The following ATXN1 variants were observed in gnomAD, a reference collection of about 807,000 sequenced individuals.
The protein encoded by ATXN1 is ataxin-1.
In ATXN1, 8 loss-of-function variants were observed where a neutral mutation model predicts 56.4. The observed-to-expected ratio is 0.14, with a 90% CI of 0.08 to 0.26. ATXN1 has a LOEUF of 0.26. Ranked by LOEUF, ATXN1 falls within the 10% of genes least tolerant of loss-of-function variation. The pLI, the probability that ATXN1 is intolerant of heterozygous loss-of-function variation, is 1.00. For missense variants in ATXN1, 987 were observed against 1,106.5 expected (o/e 0.89, Z 1.53); for synonymous variants, 514 against 494.6 (o/e 1.04, Z -0.52).
chr6:16,472,682 G>T (rs551274016), intron 6 of ATXN1, among the ~76,000 whole-genome samples: 7 of 152,174 alleles, frequency 4.6e-5, no homozygotes, highest in Non-Finnish European at 8.8e-5. Context: ...TGCTTGCCAT[G>T]GTTCTCAGCA....
chr6:16,673,897 G>T lies in ATXN1; in HGVS notation c.-614-15996C>A, dbSNP rs1038587881. Among the ~76,000 whole-genome samples the T allele has an allele frequency of 4.6e-5, 7 of 152,100 alleles. No individual in the cohort carries two copies. The South Asian group carries it at 8.3e-4, about 18-fold the overall frequency. ...GCTACCTTGTTTTCCCATTTGGGAC[G>T]ATCAAAAAGTGTCTCCAAACATTGC... On this transcript the variant is annotated intron_variant, in intron 2 of 7. Transcript: ENST00000436367.
chr6:16,598,718 G>A (rs1271682269), intron 3 of ATXN1, among the ~76,000 whole-genome samples: 1 of 152,186 alleles, frequency 6.6e-6, no homozygotes, highest in African/African-American at 2.4e-5. Flanking sequence ...AAGCTGGAGT[G>A]GGGGTGGCAG....
intron 2 of ATXN1, among the ~76,000 whole-genome samples, chr6:16,725,681 A>G (rs1759833465): frequency 6.6e-6 from 1 of 152,240 alleles, no homozygotes; most frequent in Admixed American, 6.5e-5. Context: ...CTACTCCCAC[A>G]TTCTCACATT....
At chr6:16,525,673 G>C (rs1425579847) in intron 4 of ATXN1, among the ~76,000 whole-genome samples, 2 of 152,062 alleles carry the variant, frequency 1.3e-5, no homozygotes, top group African/African-American at 2.4e-5. Flanking sequence ...AGTATAACTG[G>C]AGTGTTTGTT....
At chr6:16,359,154 A>G (rs776459706) in intron 6 of ATXN1, among the ~76,000 whole-genome samples, 1 of 152,200 alleles carries the variant, frequency 6.6e-6, no homozygotes, top group African/African-American at 2.4e-5. Flanking sequence ...CCCCGGGGCC[A>G]TGAATGGCAG....
At chr6:16,454,724 T>C (rs1759831100) in intron 6 of ATXN1, among the ~76,000 whole-genome samples, 1 of 152,224 alleles carries the variant, frequency 6.6e-6, no homozygotes, top group African/African-American at 2.4e-5. Flanking sequence ...ACAACCTTTG[T>C]AGTCAGCAGA....
chr6:16,315,094 G>A (rs1237625163), intron 7 of ATXN1, among the ~76,000 whole-genome samples: 1 of 152,054 alleles, frequency 6.6e-6, no homozygotes, highest in African/African-American at 2.4e-5. Context: ...GGTACATTTG[G>A]ACACCAGTGA....
chr6:16,458,491 A>T (rs1473704434), intron 6 of ATXN1, among the ~76,000 whole-genome samples: 1 of 152,182 alleles, frequency 6.6e-6, no homozygotes, highest in African/African-American at 2.4e-5. Context: ...GAAAGCTCCA[A>T]AAGCGAGCCC....
At chr6:16,439,650 T>C (rs1474927698) in intron 6 of ATXN1, among the ~76,000 whole-genome samples, 3 of 152,214 alleles carry the variant, frequency 2.0e-5, no homozygotes, top group African/African-American at 7.2e-5. Flanking sequence ...AAGCACTTTG[T>C]AGTTTTCTTG....
chr6:16,339,784 G>C (rs957845759), intron 6 of ATXN1, among the ~76,000 whole-genome samples: 2 of 152,052 alleles, frequency 1.3e-5, no homozygotes, highest in African/African-American at 2.4e-5. Context: ...GTGTAGTGAA[G>C]AATTTTTTTT....
intron 6 of ATXN1, among the ~76,000 whole-genome samples, chr6:16,431,102 G>A (rs752496708): frequency 6.6e-6 from 1 of 152,106 alleles, no homozygotes; most frequent in Non-Finnish European, 1.5e-5. Flanking sequence ...GGGAAGGAGG[G>A]TCTGTGCAGA....
intron 3 of ATXN1, among the ~76,000 whole-genome samples, chr6:16,632,929 G>A (rs1219586347): frequency 6.6e-6 from 1 of 151,652 alleles, no homozygotes; most frequent in Non-Finnish European, 1.5e-5. Context: ...CCTGGGAGGT[G>A]GAGGTTGCAG....
intron 5 of ATXN1, among the ~76,000 whole-genome samples, chr6:16,512,584 G>T (rs1423950502): frequency 1.3e-5 from 2 of 152,178 alleles, no homozygotes; most frequent in Non-Finnish European, 2.9e-5. Flanking sequence ...AGTTTAGAAG[G>T]CAGGCCCCTT....
At chr6:16,640,499 T>A (rs181006001) in intron 3 of ATXN1, among the ~76,000 whole-genome samples, 2 of 152,064 alleles carry the variant, frequency 1.3e-5, no homozygotes, top group Non-Finnish European at 2.9e-5. Flanking sequence ...CTGGCTAACA[T>A]GGTGAAACTC....
intron 5 of ATXN1, among the ~76,000 whole-genome samples, chr6:16,504,068 A>AT (rs1688868883): frequency 6.6e-6 from 1 of 152,178 alleles, no homozygotes; most frequent in Non-Finnish European, 1.5e-5. Flanking sequence ...CACCTGCTAT[A>AT]TATCTTGTGC....
intron 6 of ATXN1, among the ~76,000 whole-genome samples, chr6:16,390,701 C>A (rs74931603): frequency 6.6e-6 from 1 of 151,884 alleles, no homozygotes; most frequent in African/African-American, 2.4e-5. Flanking sequence ...CACACACACA[C>A]ACACACGCAT....
Position 16,300,340 on chromosome 6 carries a change from G to GA in ATXN1, c.*5988dup. 2 of 152,766 alleles carry GA rather than the reference G, an allele frequency of 1.3e-5. No individual in the cohort carries two copies. The highest frequency in any genetic ancestry group is 3.9e-4 in the East Asian group (2 of 5,190). 9.5% of individuals were successfully genotyped at this position (152,766 alleles called of 1,614,324 possible). ...ATTTGTATGCAAGTCATGGGGACAT[G>GA]AAAAACTGAAGCCGGTGTTCCCTCC... is the stretch of plus-strand genomic sequence containing the variant. On this transcript the variant is annotated 3_prime_UTR_variant, in exon 8 of 8. Coordinates refer to ENST00000436367, the MANE Select transcript of ATXN1 (RefSeq NM_001128164.2).
intron 5 of ATXN1, among the ~76,000 whole-genome samples, chr6:16,496,626 T>G (rs1299254526): frequency 1.3e-5 from 2 of 152,192 alleles, no homozygotes; most frequent in Non-Finnish European, 2.9e-5. Context: ...TACTATTTTA[T>G]GAGTAAAGGA....
chr6:16,682,409 C>T (rs1758833382), intron 2 of ATXN1, among the ~76,000 whole-genome samples: 1 of 151,962 alleles, frequency 6.6e-6, no homozygotes. Context: ...GATGGCCAGG[C>T]TTGTCTCGAA....
Sources: allele counts gnomAD v4.1 joint callset (sites outside exome capture counted in the v4.1 genomes callset), GRCh38; gene constraint gnomAD v4.1.1; transcripts MANE v1.5; gene names NCBI Gene and HGNC (gene_info 2026-07-23, HGNC 2026-07-21).